USP42: variants seen among roughly 807,000 people sequenced by gnomAD.
USP42 encodes the protein ubiquitin specific peptidase 42.
USP42 carries 23 observed loss-of-function variants against 113.0 expected under a neutral mutation model. That is an observed-to-expected ratio of 0.20 (90% confidence interval 0.15 to 0.29). The LOEUF is 0.29. Ranked by LOEUF, USP42 falls within the 10% of genes least tolerant of loss-of-function variation. USP42 has a pLI of 1.00. For missense variants in USP42, 2,174 were observed against 1,779.8 expected, an observed-to-expected ratio of 1.22 and a Z score of -3.99; for synonymous variants, 933 against 699.0, an observed-to-expected ratio of 1.33 and a Z score of -5.28.
At chr7:6,081,491 C>G in the USP42 span, among the ~76,000 whole-genome samples, 96 of 152,328 alleles carry the variant, frequency 6.3e-4, no homozygotes, top group African/African-American at 2.3e-3. Flanking sequence ...ACAGCCATTG[C>G]CGTCCACCCC....
chr7:6,159,386 C>A lies in USP42; in HGVS notation c.3944-64C>A. ...ACCATAGCCACTTAACGCACACACA[C>A]AGCAGAGGCCCTGGCGATTTTGCAA... On this transcript the variant is annotated intron_variant, in intron 16 of 17. Coordinates refer to ENST00000306177, the MANE Select transcript of USP42 (RefSeq NM_032172.3). This position sits in a 1 kb window ranked among gnomAD's most constrained non-coding sequence, Gnocchi z 4.1. 6.2e-7 allele frequency: 1 copy of A among 1,610,736 alleles called. No homozygotes were observed. Among genetic ancestry groups the A allele is most frequent in the South Asian group, 1.1e-5 (1 of 90,714 alleles).
At chr7:6,105,408 C>T (rs1215797018) in intron 1 of USP42, among the ~76,000 whole-genome samples, 2 of 148,752 alleles carry the variant, frequency 1.3e-5, no homozygotes, top group Non-Finnish European at 3.0e-5. Context: ...GCGGGAGGCT[C>T]GGGGCGGCCG....
rs575377138 is a variant in USP42 at position 6,156,916 on chromosome 7, C to A, written c.3804C>A (p.Ala1268=). 2.4e-5 allele frequency: 38 copies of A among 1,613,918 alleles called. No homozygotes were observed. In the South Asian group the frequency reaches 3.5e-4, roughly 15 times the overall value. ...GGGTCACCAGCTTGGAGACTGTCGC[C>A]CAGTTCCGGAGAGCCCAGGGTGGCT... The part of the protein sequence containing the change: ...LPRVTSLETV[A]QFRRAQGGFP... Residue 1268 remains alanine (A), a synonymous_variant, in exon 16 of 18, where the codon GCC becomes GCA. Transcript: ENST00000306177.
In USP42 at chr7:6,155,007, T is replaced by C; in HGVS notation, c.3453T>C (p.Phe1151=). The C allele has an allele frequency of 6.4e-7, 1 of 1,565,140 alleles. No individual in the cohort carries two copies. The highest frequency in any genetic ancestry group is 1.2e-5 in the South Asian group (1 of 84,816). Residue 1151 remains phenylalanine (F), a synonymous_variant, in exon 15 of 18, where the codon TTT becomes TTC. Transcript: ENST00000306177. ...ACAACTGTAACCTCTCTGATCGGTT[T>C]CACGAACACGAAAATGGAAAGTCCC... The part of the protein sequence containing the change: ...AGDNCNLSDR[F]HEHENGKSRK...
At chr7:6,113,715 G>A (rs1397204486) in intron 2 of USP42, among the ~76,000 whole-genome samples, 2 of 151,652 alleles carry the variant, frequency 1.3e-5, no homozygotes, top group African/African-American at 2.4e-5. Flanking sequence ...TCCGCCTCCC[G>A]GGTTCACACC....
intron 12 of USP42, among the ~76,000 whole-genome samples, 185 bp downstream of exon 12, chr7:6,148,077 C>T (rs1023502039): frequency 1.3e-5 from 2 of 152,186 alleles, no homozygotes; most frequent in African/African-American, 4.8e-5. Context: ...GTGGCTCAAG[C>T]TTGTAATCCC....
chr7:6,085,207 C>T, the USP42 span: 1 of 150,954 alleles, frequency 6.6e-6, no homozygotes, highest in African/African-American at 2.5e-5. Context: ...GCAACCTCTG[C>T]CTCCCGGGTT....
chr7:6,118,855 T>C (rs1780056365), intron 3 of USP42, among the ~76,000 whole-genome samples: 1 of 152,200 alleles, frequency 6.6e-6, no homozygotes, highest in South Asian at 2.1e-4. Flanking sequence ...TTCTGGACTC[T>C]ATTATGTTGT....
intron 4 of USP42, 51 bp downstream of exon 4, chr7:6,136,002 C>G (rs1265045221): frequency 3.6e-6 from 2 of 549,180 alleles, no homozygotes; most frequent in East Asian, 9.6e-5. Flanking sequence ...CCTAGTTATA[C>G]TTTTTTTTTT....
chr7:6,126,610 C>G (rs1175689331), intron 3 of USP42, among the ~76,000 whole-genome samples: 1 of 152,192 alleles, frequency 6.6e-6, no homozygotes, highest in Admixed American at 6.6e-5. Flanking sequence ...TCTTTAACTA[C>G]TTTTCCATTA....
chr7:6,159,362 C>T lies in USP42; in HGVS notation c.3944-88C>T. ...TCACAGGGAACCGCAGTGACTCTGA[C>T]CATAGCCACTTAACGCACACACACA... On this transcript the variant is annotated intron_variant, in intron 16 of 17. Transcript: ENST00000306177. This position sits in a 1 kb window ranked among gnomAD's most constrained non-coding sequence, Gnocchi z 4.1. The T allele has an allele frequency of 5.1e-6, 8 of 1,567,670 alleles. No homozygotes were observed. The highest frequency in any genetic ancestry group is 7.0e-6 in the Non-Finnish European group (8 of 1,142,008).
chr7:6,083,865 A>C, the USP42 span, among the ~76,000 whole-genome samples: 1 of 150,832 alleles, frequency 6.6e-6, no homozygotes. Context: ...CCAAGGGGAC[A>C]TATTCTGGGG....
At chr7:6,156,359 G>A (rs1407166991) in intron 15 of USP42, among the ~76,000 whole-genome samples, 1 of 152,206 alleles carries the variant, frequency 6.6e-6, no homozygotes, top group Non-Finnish European at 1.5e-5. Flanking sequence ...CTTAGTTCCT[G>A]AGAAAGCTGA....
At chr7:6,104,270 G>C (rs1372657386), upstream of USP42, among the ~76,000 whole-genome samples, 2 of 151,206 alleles carry the variant, frequency 1.3e-5, no homozygotes, top group Non-Finnish European at 2.9e-5. Flanking sequence ...CTTTAGTAGA[G>C]ACAGGGTTTC....
intron 11 of USP42, among the ~76,000 whole-genome samples, chr7:6,147,103 A>G (rs368260788): frequency 6.6e-6 from 1 of 152,264 alleles, no homozygotes; most frequent in African/African-American, 2.4e-5. Flanking sequence ...TCATGTCTGC[A>G]CATTGAAATA....
chr7:6,129,131 T>G (rs1430049019), intron 3 of USP42, among the ~76,000 whole-genome samples: 1 of 152,240 alleles, frequency 6.6e-6, no homozygotes, highest in African/African-American at 2.4e-5. Flanking sequence ...TGGTCACTTT[T>G]AGGGACCACA....
At chr7:6,113,149 C>T (rs1448566700) in intron 2 of USP42, among the ~76,000 whole-genome samples, 1 of 152,034 alleles carries the variant, frequency 6.6e-6, no homozygotes, top group Non-Finnish European at 1.5e-5. Context: ...CCCGCCTCGG[C>T]CTCCCAGAGT....
intron 6 of USP42, 102 bp from the exon 7 acceptor site, chr7:6,140,812 T>G: frequency 1.5e-6 from 1 of 684,336 alleles, no homozygotes; most frequent in Non-Finnish European, 2.5e-6. Context: ...AAATTACAGT[T>G]AAAAAATTTT....
At chr7:6,115,096 C>T (rs775076907) in intron 2 of USP42, among the ~76,000 whole-genome samples, 1 of 152,156 alleles carries the variant, frequency 6.6e-6, no homozygotes, top group African/African-American at 2.4e-5. Context: ...CTGTAACCCT[C>T]TCCCCTTTCT....
Sources: gnomAD v4.1 joint callset for allele counts (sites outside exome capture counted in the v4.1 genomes callset) on GRCh38, gnomAD v4.1.1 for gene constraint, Gnocchi (gnomAD v3.1) non-coding constraint, MANE v1.5 for transcripts, NCBI Gene and HGNC (gene_info 2026-07-23, HGNC 2026-07-21) for gene names.